Variants in ADAMTS3 observed in about 807,000 individuals in gnomAD.
The protein encoded by ADAMTS3 is ADAM metallopeptidase with thrombospondin type 1 motif 3, also known as A disintegrin and metalloproteinase with thrombospondin motifs 3.
A neutral mutation model predicts 129.0 loss-of-function variants in ADAMTS3; 73 were observed. The observed-to-expected ratio is 0.57, with a 90% CI of 0.47 to 0.69. The LOEUF (loss-of-function observed/expected upper bound fraction) is 0.69. Among genes scored for constraint, ADAMTS3 ranks in the 30% least tolerant of loss-of-function variants. The pLI is 0.00. For missense variants in ADAMTS3, 1,457 were observed against 1,514.5 expected, an observed-to-expected ratio of 0.96 and a Z score of 0.63; for synonymous variants, 477 against 510.8, an observed-to-expected ratio of 0.93 and a Z score of 0.89.
chr4:72,549,366 G>A (rs552188535), intron 2 of ADAMTS3, among the ~76,000 whole-genome samples: 21 of 152,234 alleles, frequency 1.4e-4, no homozygotes, highest in African/African-American at 2.2e-4. Context: ...AGTCTGTAAT[G>A]TATACACTGT....
intron 3 of ADAMTS3, among the ~76,000 whole-genome samples, chr4:72,449,058 C>A (rs552972455): frequency 5.3e-5 from 8 of 151,640 alleles, no homozygotes; most frequent in African/African-American, 1.9e-4. Flanking sequence ...TCTAGAAAAT[C>A]ATACTCTCCT....
At chr4:72,559,118 G>C (rs1472500495) in intron 2 of ADAMTS3, among the ~76,000 whole-genome samples, 1 of 151,640 alleles carries the variant, frequency 6.6e-6, no homozygotes, top group African/African-American at 2.4e-5. Flanking sequence ...AAGAGAAAGA[G>C]AGAGAGTCCA....
In ADAMTS3 at chr4:72,491,767, G is replaced by A. The variant is rs192423545; in HGVS notation, c.504+56711C>T. On this transcript the variant is annotated intron_variant, in intron 3 of 21. Transcript: ENST00000286657. ...ATTTTTGCCTGGTTTTAGTAGCAGGGAGATGCTGGCCTCATAAAATGAGTT... is the reference window on the plus strand; with the variant it reads ...ATTTTTGCCTGGTTTTAGTAGCAGGAAGATGCTGGCCTCATAAAATGAGTT... 1.9e-3 allele frequency among the ~76,000 whole-genome samples: 288 copies of A among 151,844 alleles called. 3 individuals are homozygous for A. The highest frequency in any genetic ancestry group is 6.3e-3 in the African/African-American group (261 of 41,522).
intron 3 of ADAMTS3, among the ~76,000 whole-genome samples, chr4:72,469,563 C>T (rs890792894): frequency 1.6e-4 from 24 of 152,254 alleles, no homozygotes; most frequent in Admixed American, 1.5e-3. Flanking sequence ...TCCCTCACCT[C>T]TCCGTGATCA....
At chr4:72,399,605 A>T (rs1454991633) in intron 4 of ADAMTS3, among the ~76,000 whole-genome samples, 1 of 151,956 alleles carries the variant, frequency 6.6e-6, no homozygotes, top group Non-Finnish European at 1.5e-5. Context: ...GGGTAATTCC[A>T]CCTATTTTAT....
intron 3 of ADAMTS3, among the ~76,000 whole-genome samples, chr4:72,531,229 G>A (rs985584736): frequency 6.6e-6 from 1 of 152,096 alleles, no homozygotes; most frequent in Non-Finnish European, 1.5e-5. Context: ...GGAGATATTT[G>A]AGGGAAAAAT....
chr4:72,505,703 T>C (rs1017231077), intron 3 of ADAMTS3, among the ~76,000 whole-genome samples: 1 of 152,190 alleles, frequency 6.6e-6, no homozygotes, highest in African/African-American at 2.4e-5. Flanking sequence ...CTGGGAAACC[T>C]CCTTAGCCCT....
At chr4:72,523,303 C>T (rs1049040625) in intron 3 of ADAMTS3, among the ~76,000 whole-genome samples, 2 of 151,940 alleles carry the variant, frequency 1.3e-5, no homozygotes, top group Non-Finnish European at 2.9e-5. Flanking sequence ...TTGTTTATTT[C>T]TGAAAAGCAT....
At position 72,327,979 on chromosome 4, in the gene ADAMTS3, G is replaced by T. The variant is rs145691089; in HGVS notation, c.862-4882C>A. Reference sequence around the variant, plus strand: ...AGAGAAGAAAAATTAAATAAGAAAAGAAATAAAGGGTGAAATGTATAACCA... The same window carrying T: ...AGAGAAGAAAAATTAAATAAGAAAATAAATAAAGGGTGAAATGTATAACCA... On this transcript the variant is annotated intron_variant, in intron 5 of 21. Coordinates refer to ENST00000286657, the MANE Select transcript of ADAMTS3 (RefSeq NM_014243.3). 4.5e-3 allele frequency among the ~76,000 whole-genome samples: 691 copies of T among 152,254 alleles called. 4 individuals are homozygous for T. The highest frequency in any genetic ancestry group is 0.016 in the African/African-American group (660 of 41,554).
chr4:72,460,138 C>T (rs1038540320), intron 3 of ADAMTS3, among the ~76,000 whole-genome samples: 5 of 151,430 alleles, frequency 3.3e-5, no homozygotes, highest in African/African-American at 7.3e-5. Flanking sequence ...ATCTCCTCCC[C>T]GCCCCCACTT....
At chr4:72,430,970 T>C (rs551480136) in intron 3 of ADAMTS3, among the ~76,000 whole-genome samples, 2 of 152,012 alleles carry the variant, frequency 1.3e-5, no homozygotes, top group African/African-American at 4.8e-5. Flanking sequence ...ACCAAGTAGA[T>C]GAAAATTTGA....
intron 5 of ADAMTS3, among the ~76,000 whole-genome samples, chr4:72,338,791 G>C (rs1039965257): frequency 2.6e-5 from 4 of 152,100 alleles, no homozygotes; most frequent in African/African-American, 9.7e-5. Context: ...TCTTTTAGAA[G>C]TAGGTGGTTT....
chr4:72,360,800 C>G (rs576114715), intron 4 of ADAMTS3, among the ~76,000 whole-genome samples: 59 of 151,944 alleles, frequency 3.9e-4, no homozygotes, highest in African/African-American at 1.4e-3. Flanking sequence ...TAATAAATAT[C>G]TCTATATTCT....
chr4:72,435,576 T>C (rs1722801028), intron 3 of ADAMTS3, among the ~76,000 whole-genome samples: 1 of 151,780 alleles, frequency 6.6e-6, no homozygotes, highest in Non-Finnish European at 1.5e-5. Context: ...ATTAAAACTG[T>C]ATGCTTACTT....
intron 3 of ADAMTS3, among the ~76,000 whole-genome samples, chr4:72,424,031 A>G (rs1209090887): frequency 6.6e-6 from 1 of 152,066 alleles, no homozygotes; most frequent in African/African-American, 2.4e-5. Context: ...TTGTATTACA[A>G]TTATTTATGT....
At chr4:72,345,295 A>T (rs957088652) in intron 4 of ADAMTS3, among the ~76,000 whole-genome samples, 2 of 152,172 alleles carry the variant, frequency 1.3e-5, no homozygotes, top group Non-Finnish European at 2.9e-5. Flanking sequence ...TCCTATAATC[A>T]GAGCTAAAAA....
rs890845777 is a variant in ADAMTS3, at chr4:72,548,716, T to C, written c.266A>G (p.Lys89Arg). 6.2e-7 allele frequency: 1 copy of C among 1,614,028 alleles called. No homozygotes were observed. Among genetic ancestry groups the C allele is most frequent in the Non-Finnish European group, 8.5e-7 (1 of 1,179,946 alleles). The change falls in exon 3 of 22, where the codon AAA (lysine) becomes AGA (arginine). Residue 89 changes from lysine (K) to arginine (R), a missense_variant. Physicochemically the swap from Lys to Arg is conservative, Grantham distance 26. Coordinates refer to ENST00000286657, the MANE Select transcript of ADAMTS3 (RefSeq NM_014243.3). ...GGGCTTTAGTCGCAGATGAAAATCTTTTCCAAATGCCGTGATGTTAAAGAA... is the reference window on the plus strand; with the variant it reads ...GGGCTTTAGTCGCAGATGAAAATCTCTTCCAAATGCCGTGATGTTAAAGAA... ...QLFFNITAFG[K>R]DFHLRLKPNT...
chr4:72,522,421 C>T lies in ADAMTS3; in HGVS notation c.504+26057G>A, dbSNP rs537620173. Among the ~76,000 whole-genome samples, 20 of 152,288 alleles carry T rather than the reference C, an allele frequency of 1.3e-4. 1 individual carries two copies. The highest frequency in any genetic ancestry group is 3.4e-3 in the Middle Eastern group (1 of 294). On this transcript the variant is annotated intron_variant, in intron 3 of 21. Coordinates refer to ENST00000286657, the MANE Select transcript of ADAMTS3 (RefSeq NM_014243.3). Reference sequence around the variant, plus strand: ...ACAATAGATGAAATAGCACCCACTACATCATCCTGGTTACAATCCTCATGA... The same window carrying T: ...ACAATAGATGAAATAGCACCCACTATATCATCCTGGTTACAATCCTCATGA...
chr4:72,354,073 A>G (rs1474084066), intron 4 of ADAMTS3, among the ~76,000 whole-genome samples: 2 of 152,044 alleles, frequency 1.3e-5, no homozygotes, highest in African/African-American at 4.8e-5. Flanking sequence ...AAGACGGGAT[A>G]AGAGTTCACT....
Sources: allele counts gnomAD v4.1 joint callset (sites outside exome capture counted in the v4.1 genomes callset), GRCh38; gene constraint gnomAD v4.1.1; transcripts MANE v1.5; gene names NCBI Gene and HGNC (gene_info 2026-07-23, HGNC 2026-07-21).